Variants in PRTFDC1 observed in about 807,000 individuals in gnomAD.
PRTFDC1 encodes phosphoribosyl transferase domain containing 1, also known as phosphoribosyltransferase domain-containing protein 1.
Under a neutral mutation model 34.6 loss-of-function variants are expected in PRTFDC1, and 38 were observed. The ratio of observed to expected loss-of-function variants is 1.10; its 90% CI spans 0.85 to 1.44. The LOEUF is 1.44. Among genes scored for constraint, PRTFDC1 ranks in the 40% most tolerant of loss-of-function variants. The pLI, the probability that PRTFDC1 is intolerant of heterozygous loss-of-function variation, is 0.00. For missense variants in PRTFDC1, 270 were observed against 283.0 expected, an observed-to-expected ratio of 0.95 and a Z score of 0.33; for synonymous variants, 93 against 98.1, an observed-to-expected ratio of 0.95 and a Z score of 0.31.
At chr10:24,861,335 T>A (rs1847676800) in intron 4 of PRTFDC1, among the ~76,000 whole-genome samples, 1 of 151,958 alleles carries the variant, frequency 6.6e-6, no homozygotes, top group Non-Finnish European at 1.5e-5. Flanking sequence ...ACCCCTTCTG[T>A]ACCAAAAAAT....
intron 5 of PRTFDC1, 26 bp downstream of exon 5, chr10:24,858,366 G>A (rs1386622489): frequency 6.2e-7 from 1 of 1,607,998 alleles, no homozygotes; most frequent in Non-Finnish European, 8.5e-7. Flanking sequence ...CAACCTCCAA[G>A]TATGGAAAAG....
chr10:24,872,807 T>TC (rs1491555567), intron 3 of PRTFDC1, among the ~76,000 whole-genome samples: 1 of 83,398 alleles, frequency 1.2e-5, no homozygotes, highest in East Asian at 3.4e-4. Context: ...TATATATATA[T>TC]TTTTTTTTTT....
chr10:24,872,420 G>A (rs1167365087), intron 3 of PRTFDC1, among the ~76,000 whole-genome samples: 2 of 152,172 alleles, frequency 1.3e-5, no homozygotes, highest in Admixed American at 6.6e-5. Flanking sequence ...CCTAGCTGGG[G>A]GTGGACTGAG....
intron 3 of PRTFDC1, among the ~76,000 whole-genome samples, chr10:24,907,499 G>C (rs1185144682): frequency 6.6e-6 from 1 of 152,222 alleles, no homozygotes; most frequent in Non-Finnish European, 1.5e-5. Flanking sequence ...GGGAGGCTGA[G>C]GTGGGAGAAT....
intron 3 of PRTFDC1, among the ~76,000 whole-genome samples, chr10:24,926,707 T>C (rs1848881898): frequency 1.3e-5 from 2 of 152,332 alleles, no homozygotes; most frequent in South Asian, 4.1e-4. Context: ...AACTCACATC[T>C]GTAGCAGAGT....
chr10:24,891,715 C>A (rs138109002), intron 3 of PRTFDC1, among the ~76,000 whole-genome samples: 75 of 152,174 alleles, frequency 4.9e-4, no homozygotes, highest in Non-Finnish European at 6.6e-4. Context: ...GAGCTGTAAT[C>A]GTGCCACTGC....
chr10:24,940,161 A>C (rs1849131616), intron 2 of PRTFDC1, among the ~76,000 whole-genome samples: 1 of 152,220 alleles, frequency 6.6e-6, no homozygotes, highest in Non-Finnish European at 1.5e-5. Flanking sequence ...GAGAATCAGT[A>C]AGCATATAGT....
At chr10:24,876,937 C>T (rs576247581) in intron 3 of PRTFDC1, among the ~76,000 whole-genome samples, 2 of 148,462 alleles carry the variant, frequency 1.3e-5, no homozygotes, top group Non-Finnish European at 3.0e-5. Flanking sequence ...GAAAAATAAG[C>T]CTTTTATTTC....
At chr10:24,899,946 T>C (rs1171497810) in intron 3 of PRTFDC1, among the ~76,000 whole-genome samples, 1 of 152,172 alleles carries the variant, frequency 6.6e-6, no homozygotes. Context: ...TTTAGGGCAT[T>C]GGTGGAAAAT....
At chr10:24,880,695 C>T (rs1273205077) in intron 3 of PRTFDC1, among the ~76,000 whole-genome samples, 2 of 152,172 alleles carry the variant, frequency 1.3e-5, no homozygotes, top group Non-Finnish European at 2.9e-5. Flanking sequence ...GAAATGCACT[C>T]ATCTGTGTGT....
At chr10:24,909,084 C>T (rs1848585428) in intron 3 of PRTFDC1, among the ~76,000 whole-genome samples, 2 of 152,144 alleles carry the variant, frequency 1.3e-5, no homozygotes, top group African/African-American at 2.4e-5. Flanking sequence ...AGCTCAAAAC[C>T]TTCCTGGGCA....
At chr10:24,867,551 T>C (rs1401634888) in intron 4 of PRTFDC1, 4 of 152,202 alleles carry the variant, frequency 2.6e-5, no homozygotes, top group Non-Finnish European at 4.4e-5. Context: ...TGTTTTCATT[T>C]TTTTTTTCCT....
intron 3 of PRTFDC1, among the ~76,000 whole-genome samples, chr10:24,902,561 T>A (rs1448461840): frequency 7.2e-5 from 11 of 152,168 alleles, no homozygotes; most frequent in Admixed American, 7.2e-4. Flanking sequence ...CCTCATAAAT[T>A]CCATTGCAGT....
At chr10:24,944,910 C>A (rs1338053442) in intron 1 of PRTFDC1, among the ~76,000 whole-genome samples, 1 of 152,162 alleles carries the variant, frequency 6.6e-6, no homozygotes, top group Non-Finnish European at 1.5e-5. Context: ...CCAGGGATTA[C>A]CTTGTCTGAC....
chr10:24,931,639 C>T (rs946846973), intron 3 of PRTFDC1, among the ~76,000 whole-genome samples: 2 of 151,682 alleles, frequency 1.3e-5, no homozygotes, highest in African/African-American at 4.8e-5. Flanking sequence ...GGACAAATGC[C>T]TTGAAAGACA....
At chr10:24,951,760 T>G (rs1849349048) in intron 1 of PRTFDC1, among the ~76,000 whole-genome samples, 1 of 152,026 alleles carries the variant, frequency 6.6e-6, no homozygotes, top group Admixed American at 6.5e-5. Flanking sequence ...ACGGGTTGGA[T>G]CCTAGCACAC....
intron 3 of PRTFDC1, among the ~76,000 whole-genome samples, chr10:24,898,022 C>T (rs1037151031): frequency 2.0e-5 from 3 of 152,086 alleles, no homozygotes; most frequent in African/African-American, 7.2e-5. Flanking sequence ...GTGCATATCA[C>T]GGGATGCTTA....
At chr10:24,925,082 A>G (rs1045661818) in intron 3 of PRTFDC1, among the ~76,000 whole-genome samples, 4 of 152,234 alleles carry the variant, frequency 2.6e-5, no homozygotes, top group Admixed American at 6.5e-5. Flanking sequence ...ATGTCCATCA[A>G]TGATAGACTG....
chr10:24,943,305 T>C (rs1849199445), intron 1 of PRTFDC1, among the ~76,000 whole-genome samples: 1 of 151,990 alleles, frequency 6.6e-6, no homozygotes, highest in Non-Finnish European at 1.5e-5. Context: ...ACTTAAACCG[T>C]CCTATTAGAA....
Sources: gnomAD v4.1 joint callset for allele counts (sites outside exome capture counted in the v4.1 genomes callset) on GRCh38, gnomAD v4.1.1 for gene constraint, MANE v1.5 for transcripts, NCBI Gene and HGNC (gene_info 2026-07-23, HGNC 2026-07-21) for gene names.